Variants in WNT7A observed in about 807,000 individuals in gnomAD.
WNT7A encodes protein Wnt-7a.
A neutral mutation model predicts 28.2 loss-of-function variants in WNT7A; 16 were observed. That is an observed-to-expected ratio of 0.57 (90% confidence interval 0.38 to 0.86). The LOEUF is 0.86. Among genes scored for constraint, WNT7A ranks in the 40% least tolerant of loss-of-function variants. WNT7A has a pLI of 0.00. For missense variants in WNT7A, 411 were observed against 489.7 expected, an observed-to-expected ratio of 0.84 and a Z score of 1.52; for synonymous variants, 190 against 195.9, an observed-to-expected ratio of 0.97 and a Z score of 0.25.
chr3:13,857,779 G>A (rs1019704722), intron 2 of WNT7A, among the ~76,000 whole-genome samples: 7 of 152,146 alleles, frequency 4.6e-5, no homozygotes, highest in African/African-American at 7.2e-5. Context: ...GAGAGAAAAG[G>A]ACAATCAGAT....
chr3:13,823,782 A>G (rs758643109), intron 3 of WNT7A, among the ~76,000 whole-genome samples: 15 of 152,188 alleles, frequency 9.9e-5, no homozygotes, highest in Non-Finnish European at 1.8e-4. Flanking sequence ...GCCCTTCCAG[A>G]TGGTTTGGCC....
Position 13,832,039 on chromosome 3 carries a change from G to C in WNT7A, c.571-12616C>G, listed in dbSNP as rs1173179079. On this transcript the variant is annotated intron_variant, in intron 3 of 3. Transcript: ENST00000285018. ...ACCCACACCAGGATAGGTGCTACAG[G>C]CTCCCATCCAGAGCTGCCACCACCT... Among the ~76,000 whole-genome samples, 3 of 152,012 alleles carry C rather than the reference G, an allele frequency of 2.0e-5. No individual in the cohort carries two copies. In the East Asian group the frequency reaches 5.8e-4, roughly 30 times the overall value.
intron 1 of WNT7A, among the ~76,000 whole-genome samples, chr3:13,877,589 C>A (rs1467907794): frequency 6.6e-6 from 1 of 152,234 alleles, no homozygotes; most frequent in East Asian, 1.9e-4. Context: ...GGCCTAGGTT[C>A]TCATCCAAGC....
intron 1 of WNT7A, among the ~76,000 whole-genome samples, chr3:13,878,187 C>T (rs1695141116): frequency 6.6e-6 from 1 of 151,708 alleles, no homozygotes; most frequent in East Asian, 2.0e-4. Context: ...GCGGCGCCGG[C>T]GGGAGGGCGG....
intron 3 of WNT7A, among the ~76,000 whole-genome samples, chr3:13,853,153 T>C (rs1164906773): frequency 6.6e-6 from 1 of 152,140 alleles, no homozygotes; most frequent in Non-Finnish European, 1.5e-5. Context: ...TCCATACATA[T>C]TTGTAGAGTG....
intron 3 of WNT7A, among the ~76,000 whole-genome samples, chr3:13,841,890 G>C (rs914987354): frequency 3.3e-5 from 5 of 152,212 alleles, no homozygotes; most frequent in African/African-American, 1.2e-4. Context: ...GTCAGGAAAG[G>C]CCTCCTTGAG....
chr3:13,831,457 C>T (rs1184654602), intron 3 of WNT7A, among the ~76,000 whole-genome samples: 2 of 152,144 alleles, frequency 1.3e-5, no homozygotes, highest in East Asian at 1.9e-4. Context: ...GTAATGTGGC[C>T]GAACAGAAGG....
intron 2 of WNT7A, among the ~76,000 whole-genome samples, chr3:13,863,303 G>T (rs1157553303): frequency 4.6e-5 from 7 of 152,160 alleles, no homozygotes; most frequent in African/African-American, 1.4e-4. Context: ...TGAATTGAAT[G>T]ATCAGTCTCT....
intron 3 of WNT7A, among the ~76,000 whole-genome samples, chr3:13,828,997 G>T (rs1694238697): frequency 6.6e-6 from 1 of 152,152 alleles, no homozygotes; most frequent in South Asian, 2.1e-4. Context: ...TTTCCTCATT[G>T]CTGCTGGCCT....
At chr3:13,834,263 G>A (rs1455780393) in intron 3 of WNT7A, among the ~76,000 whole-genome samples, 1 of 152,162 alleles carries the variant, frequency 6.6e-6, no homozygotes, top group Non-Finnish European at 1.5e-5. Flanking sequence ...ACACAGTCAT[G>A]TGTGGGTGAA....
chr3:13,864,213 AT>A (rs965683890), intron 2 of WNT7A, among the ~76,000 whole-genome samples: 4 of 152,120 alleles, frequency 2.6e-5, no homozygotes, highest in African/African-American at 9.7e-5. Flanking sequence ...AAAGAATTTG[AT>A]TATCTTCCTA....
Position 13,828,007 on chromosome 3 carries a change from C to T in WNT7A, c.571-8584G>A, listed in dbSNP as rs1213603041. On this transcript the variant is annotated intron_variant, in intron 3 of 3. Coordinates refer to ENST00000285018, the MANE Select transcript of WNT7A (RefSeq NM_004625.4). Reference sequence around the variant, plus strand: ...AGCCCCACCCAACCCCAGTCCTTATCTTGGTGCCTTGTTTTCTAGCAAGCC... The same window carrying T: ...AGCCCCACCCAACCCCAGTCCTTATTTTGGTGCCTTGTTTTCTAGCAAGCC... Among the ~76,000 whole-genome samples, 5 of 148,720 alleles carry T rather than the reference C, an allele frequency of 3.4e-5. No homozygotes were observed. The South Asian group carries it at 6.8e-4, about 20-fold the overall frequency.
At chr3:13,838,844 C>T (rs1242275769) in intron 3 of WNT7A, among the ~76,000 whole-genome samples, 2 of 152,208 alleles carry the variant, frequency 1.3e-5, no homozygotes, top group East Asian at 3.9e-4. Flanking sequence ...AGATCTGCAT[C>T]CTCCAAAACG....
At chr3:13,853,563 G>A (rs1694675886) in intron 3 of WNT7A, among the ~76,000 whole-genome samples, 2 of 152,064 alleles carry the variant, frequency 1.3e-5, no homozygotes, top group South Asian at 2.1e-4. Flanking sequence ...GCCAAACCTC[G>A]CTCATCTCTC....
chr3:13,879,590 G>A (rs1334347896), intron 1 of WNT7A, among the ~76,000 whole-genome samples, 156 bp downstream of exon 1: 2 of 151,950 alleles, frequency 1.3e-5, no homozygotes, highest in African/African-American at 2.4e-5. Context: ...CCTGCGGGGG[G>A]CCTTTGTGCG....
At chr3:13,841,603 C>T (rs1559298918) in intron 3 of WNT7A, among the ~76,000 whole-genome samples, 1 of 152,176 alleles carries the variant, frequency 6.6e-6, no homozygotes, top group Non-Finnish European at 1.5e-5. Flanking sequence ...AAGACAAAAG[C>T]TGTACAGGTA....
At chr3:13,824,096 A>T (rs1694150672) in intron 3 of WNT7A, among the ~76,000 whole-genome samples, 1 of 152,272 alleles carries the variant, frequency 6.6e-6, no homozygotes, top group South Asian at 2.1e-4. Context: ...GCTTTACTGC[A>T]GTACAATTCA....
chr3:13,816,891 A>C lies in WNT7A; in HGVS notation c.*2053T>G, dbSNP rs985392559. 6.6e-6 allele frequency: 1 copy of C among 152,196 alleles called. No homozygotes were observed. Among genetic ancestry groups the C allele is most frequent in the African/African-American group, 2.4e-5 (1 of 41,334 alleles). The allele number at this position is 152,196 out of a possible 1,614,324, so 9.4% of individuals were successfully genotyped here. A position where few individuals can be genotyped will look rare whatever the true frequency, so the allele number is the denominator to read the frequency against. ...CACACATTCATCCATCCCTCCATCC[A>C]TTCACTCCATGGCCCCTTCACATGC... On this transcript the variant is annotated 3_prime_UTR_variant, in exon 4 of 4. Coordinates refer to ENST00000285018, the MANE Select transcript of WNT7A (RefSeq NM_004625.4).
At chr3:13,850,123 G>C (rs144639350) in intron 3 of WNT7A, among the ~76,000 whole-genome samples, 76 of 152,370 alleles carry the variant, frequency 5.0e-4, no homozygotes, top group African/African-American at 1.7e-3. Flanking sequence ...GCAAGGGCAA[G>C]AACCCACACC....
Sources: allele counts gnomAD v4.1 joint callset (sites outside exome capture counted in the v4.1 genomes callset), GRCh38; gene constraint gnomAD v4.1.1; transcripts MANE v1.5; gene names NCBI Gene and HGNC (gene_info 2026-07-23, HGNC 2026-07-21).